WDR1: variants seen among roughly 807,000 people sequenced by gnomAD.
WDR1 encodes WD repeat domain 1.
Under a neutral mutation model 71.9 loss-of-function variants are expected in WDR1, and 21 were observed. The ratio of observed to expected loss-of-function variants is 0.29; its 90% CI spans 0.21 to 0.42. The LOEUF (loss-of-function observed/expected upper bound fraction) is 0.42. Among genes scored for constraint, WDR1 ranks in the 10% least tolerant of loss-of-function variants. The pLI is 1.00. For synonymous variants in WDR1, 424 were observed against 347.4 expected (o/e 1.22, Z -2.45); for missense variants, 696 against 824.5 (o/e 0.84, Z 1.91).
intron 2 of WDR1, chr4:10,108,107 T>C (rs563107779): frequency 2.6e-5 from 4 of 152,340 alleles, no homozygotes; most frequent in Admixed American, 2.6e-4. Context: ...CTCGCTATAA[T>C]ACACAGGTCA....
At chr4:10,075,727 T>A in intron 14 of WDR1, 1 of 568,856 alleles carries the variant, frequency 1.8e-6, no homozygotes, top group South Asian at 2.1e-5. Context: ...GCAGCATCCC[T>A]GGCTCCACCT....
chr4:10,116,325 G>A (rs566221516), intron 1 of WDR1, 91 bp from the exon 2 acceptor site: 132 of 1,568,572 alleles, frequency 8.4e-5, no homozygotes, highest in East Asian at 1.4e-4. Context: ...GGTCTCGGCC[G>A]GTCACCTGTT....
In WDR1 at chr4:10,075,328, T is replaced by G; in HGVS notation, c.*50A>C. 1 of 1,550,568 alleles carries G rather than the reference T, an allele frequency of 6.4e-7. No homozygotes were observed. Among genetic ancestry groups the G allele is most frequent in the South Asian group, 1.1e-5 (1 of 89,430 alleles). ...AGAGAAATGACATGTTCCGCTGCAG[T>G]TAAACTCTAGTCCCTGATTCGGTCC... is the stretch of plus-strand genomic sequence containing the variant. On this transcript the variant is annotated 3_prime_UTR_variant, in exon 15 of 15. Coordinates refer to ENST00000499869, the MANE Select transcript of WDR1 (RefSeq NM_017491.5).
intron 2 of WDR1, among the ~76,000 whole-genome samples, chr4:10,114,543 G>C (rs539481191): frequency 6.6e-6 from 1 of 152,272 alleles, no homozygotes; most frequent in African/African-American, 2.4e-5. Flanking sequence ...GGACTGCAAC[G>C]ACAGGGAAGG....
At chr4:10,109,110 T>C (rs1050104641) in intron 2 of WDR1, among the ~76,000 whole-genome samples, 2 of 152,236 alleles carry the variant, frequency 1.3e-5, no homozygotes, top group African/African-American at 4.8e-5. Context: ...CCTCAGTGGA[T>C]TCTCTTTGAA....
chr4:10,083,699 G>C, intron 9 of WDR1: 1 of 460,168 alleles, frequency 2.2e-6, no homozygotes, highest in South Asian at 1.5e-5. Flanking sequence ...GCCATCATCA[G>C]CAACGTGTGT....
chr4:10,090,342 A>G (rs1482099732), intron 5 of WDR1, among the ~76,000 whole-genome samples: 2 of 152,176 alleles, frequency 1.3e-5, no homozygotes, highest in Non-Finnish European at 1.5e-5. Context: ...AGAAAGAGGA[A>G]TCAGGTGCCT....
At chr4:10,086,106 C>T (rs1711532098) in intron 8 of WDR1, among the ~76,000 whole-genome samples, 2 of 152,192 alleles carry the variant, frequency 1.3e-5, no homozygotes, top group Admixed American at 1.3e-4. Context: ...TCGGGGATGG[C>T]TCATGGGAAA....
intron 2 of WDR1, among the ~76,000 whole-genome samples, chr4:10,106,949 C>T (rs181923121): frequency 1.3e-3 from 204 of 152,240 alleles, no homozygotes; most frequent in Non-Finnish European, 1.6e-3. Flanking sequence ...CACCTTGACA[C>T]CCTCAGTGTG....
Position 10,075,054 on chromosome 4 carries a change from C to T in WDR1, c.*324G>A. The T allele has an allele frequency of 2.4e-6, 1 of 421,108 alleles. No homozygotes were observed. Among genetic ancestry groups the T allele is most frequent in the Middle Eastern group, 6.1e-4 (1 of 1,636 alleles). The allele number at this position is 421,108 out of a possible 1,614,324, so 26.1% of individuals were successfully genotyped here. A position where few individuals can be genotyped will look rare whatever the true frequency, so the allele number is the denominator to read the frequency against. On this transcript the variant is annotated 3_prime_UTR_variant, in exon 15 of 15. Coordinates refer to ENST00000499869, the MANE Select transcript of WDR1 (RefSeq NM_017491.5). The stretch of plus-strand genomic sequence containing the variant: ...ACAGATAGTGAGAGCCGCGGCGGGG[C>T]CAGGGGCTCTGTGTGCTTTGGAGGC...
At chr4:10,080,781 G>C (rs894209149) in intron 11 of WDR1, among the ~76,000 whole-genome samples, 1 of 152,246 alleles carries the variant, frequency 6.6e-6, no homozygotes, top group Non-Finnish European at 1.5e-5. Context: ...TCTGGGGTTA[G>C]AAGCCAGGCC....
At chr4:10,099,163 AGGG>A in intron 3 of WDR1, 24 bp from the exon 4 acceptor site, 1 of 180,482 alleles carries the variant, frequency 5.5e-6, no homozygotes, top group Non-Finnish European at 8.4e-6. Flanking sequence ...CGGGCGGGGG[AGGG>A]GGGGAGGCGG....
chr4:10,074,636 G>T lies in WDR1; in HGVS notation c.*742C>A, dbSNP rs1007094099. On this transcript the variant is annotated 3_prime_UTR_variant, in exon 15 of 15. Coordinates refer to ENST00000499869, the MANE Select transcript of WDR1 (RefSeq NM_017491.5). ...CAGGGGAACATCAAAGCATGATGGTGAAACGGTGACCAGGACACCTCGGTC... is the reference window on the plus strand; with the variant it reads ...CAGGGGAACATCAAAGCATGATGGTTAAACGGTGACCAGGACACCTCGGTC... 2.6e-5 allele frequency: 4 copies of T among 152,618 alleles called. No homozygotes were observed. Among genetic ancestry groups the T allele is most frequent in the Non-Finnish European group, 5.9e-5 (4 of 68,032 alleles). The allele number at this position is 152,618 out of a possible 1,614,324, so 9.5% of individuals were successfully genotyped here. A position where few individuals can be genotyped will look rare whatever the true frequency, so the allele number is the denominator to read the frequency against.
intron 2 of WDR1, among the ~76,000 whole-genome samples, chr4:10,110,420 C>T (rs1275609187): frequency 1.3e-5 from 2 of 152,214 alleles, no homozygotes; most frequent in Non-Finnish European, 2.9e-5. Context: ...TCAAAGATGG[C>T]TTCAGTATCC....
chr4:10,077,549 T>C, intron 13 of WDR1, 101 bp from the exon 14 acceptor site: 2 of 1,563,128 alleles, frequency 1.3e-6, no homozygotes, highest in Admixed American at 3.4e-5. Context: ...AGGACCGAGG[T>C]TTCTCACGCG....
chr4:10,095,088 G>A (rs926009859), intron 5 of WDR1, among the ~76,000 whole-genome samples: 7 of 152,220 alleles, frequency 4.6e-5, no homozygotes, highest in African/African-American at 1.4e-4. Context: ...GGGAGTGGGT[G>A]CAGAAGGCGC....
intron 5 of WDR1, 87 bp from the exon 6 acceptor site, chr4:10,088,828 C>T: frequency 9.7e-7 from 1 of 1,030,556 alleles, no homozygotes; most frequent in Non-Finnish European, 1.5e-6. Context: ...CAGCTTGCAG[C>T]TCCAGCTGTT....
intron 3 of WDR1, 41 bp downstream of exon 3, chr4:10,103,855 G>C (rs1355252723): frequency 3.1e-6 from 4 of 1,288,906 alleles, no homozygotes; most frequent in Non-Finnish European, 4.1e-6. Flanking sequence ...GCGCCACCCA[G>C]GCCCCCACAG....
chr4:10,088,784 T>G (rs1259079033), intron 5 of WDR1, 43 bp from the exon 6 acceptor site: 2 of 1,447,868 alleles, frequency 1.4e-6, no homozygotes, highest in Non-Finnish European at 9.5e-7. Context: ...GCCGCAGGCC[T>G]GACTCTAGGT....
Sources: gnomAD v4.1 joint callset for allele counts (sites outside exome capture counted in the v4.1 genomes callset) on GRCh38, gnomAD v4.1.1 for gene constraint, MANE v1.5 for transcripts, NCBI Gene and HGNC (gene_info 2026-07-23, HGNC 2026-07-21) for gene names.